Variants in GSE1 observed in about 807,000 individuals in gnomAD.
GSE1 encodes Gse1 coiled-coil protein.
GSE1 carries 32 observed loss-of-function variants against 112.6 expected under a neutral mutation model. The observed-to-expected ratio is 0.28, with a 90% CI of 0.21 to 0.38. The LOEUF is 0.38. Among genes scored for constraint, GSE1 ranks in the 10% least tolerant of loss-of-function variants. The probability of loss-of-function intolerance (pLI) is 1.00; values close to 1 mark genes in which losing one functional copy is unlikely to be tolerated. For missense variants in GSE1, 2,348 were observed against 1,699.2 expected (o/e 1.38, Z -6.71); for synonymous variants, 1,115 against 735.6 (o/e 1.52, Z -8.35).
At chr16:85,502,929 T>C (rs1339559070) in intron 2 of GSE1, among the ~76,000 whole-genome samples, 1 of 152,158 alleles carries the variant, frequency 6.6e-6, no homozygotes, top group Non-Finnish European at 1.5e-5. Flanking sequence ...GAAGACAGAA[T>C]GCGTGGCGGG....
At chr16:85,646,692 T>A (rs891642933) in intron 2 of GSE1, among the ~76,000 whole-genome samples, 1 of 152,116 alleles carries the variant, frequency 6.6e-6, no homozygotes, top group African/African-American at 2.4e-5. Flanking sequence ...GCACGAGGTC[T>A]CCCCGCTGCA....
chr16:85,572,895 G>A (rs112299936), intron 1 of GSE1, among the ~76,000 whole-genome samples: 21 of 152,300 alleles, frequency 1.4e-4, no homozygotes, highest in South Asian at 1.2e-3. Flanking sequence ...GCAGAGGGCC[G>A]GCAGCCCTCT....
intron 2 of GSE1, among the ~76,000 whole-genome samples, chr16:85,390,850 A>G (rs576486241): frequency 4.6e-5 from 7 of 152,282 alleles, no homozygotes; most frequent in African/African-American, 1.7e-4. Flanking sequence ...TGGACTGCGA[A>G]TGTTATGACA....
chr16:85,305,561 A>C (rs1309256022), intron 1 of GSE1, among the ~76,000 whole-genome samples: 1 of 151,648 alleles, frequency 6.6e-6, no homozygotes, highest in African/African-American at 2.4e-5. Context: ...GCTCACTGCA[A>C]CCTCCGCCTC....
intron 1 of GSE1, among the ~76,000 whole-genome samples, chr16:85,228,665 G>A (rs2075531005): frequency 1.3e-5 from 2 of 152,214 alleles, no homozygotes; most frequent in Admixed American, 1.3e-4. Context: ...GGCCCCACGA[G>A]AATGGCATGA....
chr16:85,508,701 C>T (rs751411649), intron 2 of GSE1, among the ~76,000 whole-genome samples: 2 of 152,180 alleles, frequency 1.3e-5, no homozygotes, highest in Non-Finnish European at 2.9e-5. Flanking sequence ...TGCTTGTGCT[C>T]AGTATGCTGG....
At chr16:85,174,325 G>C (rs2074417324) in intron 1 of GSE1, among the ~76,000 whole-genome samples, 1 of 152,238 alleles carries the variant, frequency 6.6e-6, no homozygotes, top group African/African-American at 2.4e-5. Flanking sequence ...GAAGAGATCT[G>C]CTCAGGGCCC....
chr16:85,581,183 C>T (rs1478047234), intron 1 of GSE1, among the ~76,000 whole-genome samples: 2 of 152,214 alleles, frequency 1.3e-5, no homozygotes, highest in Non-Finnish European at 2.9e-5. Context: ...AGCAGCTCTC[C>T]AGCCTCCTTC....
At chr16:85,303,381 A>G (rs2045578308) in intron 1 of GSE1, among the ~76,000 whole-genome samples, 1 of 152,192 alleles carries the variant, frequency 6.6e-6, no homozygotes, top group African/African-American at 2.4e-5. Context: ...GTTTCCAGAA[A>G]GGAGGTCTGT....
At chr16:85,433,354 G>A (rs1597739380) in intron 2 of GSE1, among the ~76,000 whole-genome samples, 1 of 152,174 alleles carries the variant, frequency 6.6e-6, no homozygotes, top group African/African-American at 2.4e-5. Context: ...AAGTAGAGTT[G>A]TGATTTGACT....
intron 1 of GSE1, among the ~76,000 whole-genome samples, chr16:85,601,523 T>TG (rs904335982): frequency 5.9e-5 from 9 of 151,294 alleles, no homozygotes; most frequent in South Asian, 2.1e-4. Context: ...GAAATCAAGG[T>TG]GGGGGGGTGA....
At chr16:85,315,673 T>G (rs993971124) in intron 1 of GSE1, among the ~76,000 whole-genome samples, 12 of 152,324 alleles carry the variant, frequency 7.9e-5, no homozygotes, top group Middle Eastern at 6.8e-3. Context: ...ACGCACCGGT[T>G]CCATTTGCAT....
intron 1 of GSE1, among the ~76,000 whole-genome samples, chr16:85,250,621 T>C (rs1159334162): frequency 6.6e-6 from 1 of 152,232 alleles, no homozygotes; most frequent in African/African-American, 2.4e-5. Flanking sequence ...AAAATGGCAT[T>C]TTGTAAGTGC....
chr16:85,223,844 A>T (rs904647464), intron 1 of GSE1, among the ~76,000 whole-genome samples: 4 of 152,012 alleles, frequency 2.6e-5, no homozygotes, highest in African/African-American at 9.7e-5. Context: ...ATCTCAAGCG[A>T]TCCACCCATC....
At chr16:85,178,625 C>T (rs1408983808) in intron 1 of GSE1, among the ~76,000 whole-genome samples, 2 of 151,974 alleles carry the variant, frequency 1.3e-5, no homozygotes, top group Non-Finnish European at 2.9e-5. Flanking sequence ...GGGATTTATC[C>T]TGGAAGGCCA....
intron 2 of GSE1, among the ~76,000 whole-genome samples, chr16:85,442,097 C>T (rs1043308348): frequency 1.3e-5 from 2 of 152,228 alleles, no homozygotes; most frequent in African/African-American, 4.8e-5. Flanking sequence ...AGGGCCTTTG[C>T]ACCTGCTGTT....
intron 1 of GSE1, among the ~76,000 whole-genome samples, chr16:85,616,918 T>C (rs1391476675): frequency 6.6e-6 from 1 of 152,166 alleles, no homozygotes. Context: ...AACAGGAGCG[T>C]GGCCAAAAGC....
Position 85,673,448 on chromosome 16 carries a change from GTT to G in GSE1, c.*912_*913del, listed in dbSNP as rs1372698323. ...TTTTGTTTGTTTTTCCTGTTTGGGGGTTTTGTTTGTTGTTTTGGTTTTTTTTG... is the reference window on the plus strand; with the variant it reads ...TTTTGTTTGTTTTTCCTGTTTGGGGGTTGTTTGTTGTTTTGGTTTTTTTTG... On this transcript the variant is annotated 3_prime_UTR_variant, in exon 16 of 16. Transcript: ENST00000253458. The G allele has an allele frequency of 7.3e-6, 1 of 136,346 alleles. No homozygotes were observed. Among genetic ancestry groups the G allele is most frequent in the African/African-American group, 2.8e-5 (1 of 35,932 alleles). 8.4% of individuals were successfully genotyped at this position (136,346 alleles called of 1,614,324 possible). A position where few individuals can be genotyped will look rare whatever the true frequency, so the allele number is the denominator to read the frequency against.
chr16:85,227,948 C>T (rs561220027), intron 1 of GSE1, among the ~76,000 whole-genome samples: 3 of 152,002 alleles, frequency 2.0e-5, no homozygotes, highest in Middle Eastern at 3.4e-3. Context: ...CAGAGAACCC[C>T]GTGCAGGGGA....
Sources: allele counts gnomAD v4.1 joint callset (sites outside exome capture counted in the v4.1 genomes callset), GRCh38; gene constraint gnomAD v4.1.1; transcripts MANE v1.5; gene names NCBI Gene and HGNC (gene_info 2026-07-23, HGNC 2026-07-21).